Variants in ACAA2 observed in about 807,000 individuals in gnomAD.
ACAA2 encodes 3-ketoacyl-CoA thiolase, mitochondrial.
A neutral mutation model predicts 44.8 loss-of-function variants in ACAA2; 35 were observed. The ratio of observed to expected loss-of-function variants is 0.78; its 90% confidence interval spans 0.60 to 1.04. The LOEUF is 1.04. ACAA2 is among the 50% of genes least tolerant of loss of function. The probability of loss-of-function intolerance (pLI) is 0.00; values close to 1 mark genes in which losing one functional copy is unlikely to be tolerated. For missense variants in ACAA2, 468 were observed against 482.6 expected (o/e 0.97, Z 0.28); for synonymous variants, 142 against 166.5 (o/e 0.85, Z 1.13).
intron 7 of ACAA2, among the ~76,000 whole-genome samples, chr18:49,789,211 G>A (rs1409197424): frequency 1.3e-5 from 2 of 151,994 alleles, no homozygotes; most frequent in Non-Finnish European, 2.9e-5. Context: ...CAGCTATTCT[G>A]CAGGGCTAAG....
At chr18:49,791,870 G>T (rs2023404636) in intron 6 of ACAA2, among the ~76,000 whole-genome samples, 1 of 151,810 alleles carries the variant, frequency 6.6e-6, no homozygotes, top group Non-Finnish European at 1.5e-5. Context: ...TAAACTGTAT[G>T]CATGAGAAAA....
At chr18:49,791,860 T>C (rs1403482484) in intron 6 of ACAA2, among the ~76,000 whole-genome samples, 2 of 151,770 alleles carry the variant, frequency 1.3e-5, no homozygotes, top group Non-Finnish European at 2.9e-5. Context: ...AGAAATACGA[T>C]AAACTGTATG....
chr18:49,792,668 G>T (rs934721314), intron 5 of ACAA2, among the ~76,000 whole-genome samples: 1 of 151,858 alleles, frequency 6.6e-6, no homozygotes, highest in Non-Finnish European at 1.5e-5. Flanking sequence ...TGCTAGCCTC[G>T]AACTCACCAC....
Position 49,797,568 on chromosome 18 carries a change from T to C in ACAA2, c.210A>G (p.Ala70=). The change falls in exon 3 of 10, where the codon GCA becomes GCG. Residue 70 remains alanine (A), a synonymous_variant. Transcript: ENST00000285093. ...TTCCCACACGCAAACCAACATGCCT[T>C]GCCAAATATATAGCATCTGAAGAAC... ...LQSSSDAIYL[A]RHVGLRVGIP... 6.2e-7 allele frequency: 1 copy of C among 1,611,560 alleles called. No homozygotes were observed. Among genetic ancestry groups the C allele is most frequent in the Non-Finnish European group, 8.5e-7 (1 of 1,179,030 alleles).
chr18:49,790,325 C>T (rs1276154408), intron 7 of ACAA2, among the ~76,000 whole-genome samples: 1 of 152,124 alleles, frequency 6.6e-6, no homozygotes, highest in East Asian at 1.9e-4. Flanking sequence ...AGAGATATGT[C>T]TTCTCTGAGG....
At chr18:49,798,872 A>C (rs1342411587) in intron 2 of ACAA2, among the ~76,000 whole-genome samples, 1 of 152,156 alleles carries the variant, frequency 6.6e-6, no homozygotes, top group Non-Finnish European at 1.5e-5. Flanking sequence ...AATAAAAAAA[A>C]TTTACACGAT....
rs1253379741 is a variant in ACAA2 at position 49,783,584 on chromosome 18, G to A, written c.*263C>T. 1 of 321,538 alleles carries A rather than the reference G, an allele frequency of 3.1e-6. No homozygotes were observed. The highest frequency in any genetic ancestry group is 5.8e-6 in the Non-Finnish European group (1 of 172,184). 19.9% of individuals were successfully genotyped at this position (321,538 alleles called of 1,614,324 possible). On this transcript the variant is annotated 3_prime_UTR_variant, in exon 10 of 10. Transcript: ENST00000285093. ...AGTGGTGGTTACTTGGCAAGAATAC[G>A]ATTTCTTTTAATGTCTTCTATAGTT...
chr18:49,790,279 T>C (rs2023382618), intron 7 of ACAA2, among the ~76,000 whole-genome samples: 1 of 152,212 alleles, frequency 6.6e-6, no homozygotes, highest in Non-Finnish European at 1.5e-5. Flanking sequence ...TGACAAAATA[T>C]GAACATGCCA....
intron 5 of ACAA2, among the ~76,000 whole-genome samples, chr18:49,793,966 A>G (rs991311492): frequency 6.6e-6 from 1 of 152,178 alleles, no homozygotes; most frequent in African/African-American, 2.4e-5. Flanking sequence ...ATCACCTCTG[A>G]CAGAACGTAT....
rs758960325 is a variant in ACAA2 at position 49,783,936 on chromosome 18, AAAAG to A, written c.1110-9_1110-6del. ...GCATATTTTCCACCTCGACGCCTGA[AAAAG>A]AAAGCAGTGACTGAAATCTACTCTA... is the stretch of plus-strand genomic sequence containing the variant. On this transcript the variant is annotated splice_polypyrimidine_tract_variant and splice_region_variant and intron_variant, in intron 9 of 9. Transcript: ENST00000285093. 5.0e-6 allele frequency: 8 copies of A among 1,613,610 alleles called. No individual in the cohort carries two copies. Among genetic ancestry groups the A allele is most frequent in the African/African-American group, 4.0e-5 (3 of 74,914 alleles).
At chr18:49,813,377 C>A (rs2023694035) in intron 1 of ACAA2, 92 bp downstream of exon 1, 2 of 1,044,744 alleles carry the variant, frequency 1.9e-6, no homozygotes, top group Non-Finnish European at 2.5e-6. Context: ...CACCCCACGA[C>A]CCCGACTCTC....
rs997957773 is a variant in ACAA2, at chr18:49,785,385, C to A, written c.955-34G>T. The A allele has an allele frequency of 4.2e-5, 68 of 1,605,462 alleles. No individual in the cohort carries two copies. The East Asian group carries it at 4.7e-4, about 11-fold the overall frequency. On this transcript the variant is annotated intron_variant, in intron 8 of 9. Transcript: ENST00000285093. ...AAAAATTAGAGCACTAACAAAAATC[C>A]TTACTCACAAACTAATTTTTAAATG... is the stretch of plus-strand genomic sequence containing the variant.
rs2023425606 is a variant in ACAA2, at chr18:49,793,149, T to C, written c.578-822A>G. Among the ~76,000 whole-genome samples the C allele has an allele frequency of 2.6e-5, 4 of 152,202 alleles. No homozygotes were observed. The South Asian group carries it at 8.3e-4, about 31-fold the overall frequency. ...ACAAAGTAATCTAACTGAAACTTAA[T>C]AGTGATAGGCAACCTGAAGAAATTA... On this transcript the variant is annotated intron_variant, in intron 5 of 9. Coordinates refer to ENST00000285093, the MANE Select transcript of ACAA2 (RefSeq NM_006111.3).
intron 1 of ACAA2, 112 bp downstream of exon 1, chr18:49,813,357 G>T: frequency 1.2e-6 from 1 of 841,324 alleles, no homozygotes; most frequent in Non-Finnish European, 1.6e-6. Context: ...CGAGGAGGTT[G>T]AGTGAACTTC....
intron 7 of ACAA2, among the ~76,000 whole-genome samples, chr18:49,790,554 T>C (rs370802060): frequency 6.6e-6 from 1 of 152,298 alleles, no homozygotes; most frequent in African/African-American, 2.4e-5. Context: ...GGCTTTTCCT[T>C]ACAGTGGGAG....
chr18:49,806,181 G>A (rs1382162931), intron 1 of ACAA2, among the ~76,000 whole-genome samples: 1 of 152,182 alleles, frequency 6.6e-6, no homozygotes, highest in Non-Finnish European at 1.5e-5. Flanking sequence ...AGTCCATGAT[G>A]CATGGAATGG....
intron 2 of ACAA2, among the ~76,000 whole-genome samples, chr18:49,799,972 C>G (rs12966765): frequency 1.4e-5 from 2 of 147,490 alleles, no homozygotes; most frequent in East Asian, 4.2e-4. Flanking sequence ...GGAGCCCCTC[C>G]GCCCGGCAGC....
chr18:49,793,315 A>G (rs995218712), intron 5 of ACAA2, among the ~76,000 whole-genome samples: 8 of 152,242 alleles, frequency 5.3e-5, no homozygotes, highest in Admixed American at 2.0e-4. Flanking sequence ...TCACTTTACA[A>G]TTGGCAAAAT....
At chr18:49,792,425 T>C in intron 5 of ACAA2, 98 bp from the exon 6 acceptor site, 1 of 1,106,164 alleles carries the variant, frequency 9.0e-7, no homozygotes, top group Non-Finnish European at 1.3e-6. Context: ...TACCTTTTCC[T>C]CACAGTCTAC....
Sources: allele counts gnomAD v4.1 joint callset (sites outside exome capture counted in the v4.1 genomes callset), GRCh38; gene constraint gnomAD v4.1.1; transcripts MANE v1.5; gene names NCBI Gene and HGNC (gene_info 2026-07-23, HGNC 2026-07-21).